The following ARFGAP2 variants were observed in gnomAD, a reference collection of about 807,000 sequenced individuals.
The protein encoded by ARFGAP2 is ARF GTPase activating protein 2, also known as ADP-ribosylation factor GTPase-activating protein 2.
ARFGAP2 carries 45 observed loss-of-function variants against 71.9 expected under a neutral mutation model. The observed-to-expected ratio is 0.63, with a 90% confidence interval of 0.49 to 0.80. The LOEUF (loss-of-function observed/expected upper bound fraction) is 0.80, where lower values mean the gene tolerates loss of function less well. Among genes scored for constraint, ARFGAP2 ranks in the 30% least tolerant of loss-of-function variants. The pLI is 0.00. For synonymous variants in ARFGAP2, 248 were observed against 249.2 expected (o/e 1.00, Z 0.05); for missense variants, 633 against 673.9 (o/e 0.94, Z 0.67).
Position 47,175,890 on chromosome 11 carries a change from G to C in ARFGAP2, c.225C>G (p.Phe75Leu), listed in dbSNP as rs771530253. ...CGCCGACCTGCATACACCTCAGCTGGAACCAGTTCCAGTTGGAATCCAACT... is the reference window on the plus strand; with the variant it reads ...CGCCGACCTGCATACACCTCAGCTGCAACCAGTTCCAGTTGGAATCCAACT... ...STELDSNWNW[F>L]QLRCMQVGGN... Residue 75 changes from phenylalanine (F) to leucine (L), a missense_variant, in exon 3 of 16, where the codon TTC becomes TTG. By Grantham distance (22) the Phe-to-Leu change is conservative. Transcript: ENST00000524782. 4.3e-6 allele frequency: 7 copies of C among 1,614,152 alleles called. No individual in the cohort carries two copies. Among genetic ancestry groups the C allele is most frequent in the Non-Finnish European group, 5.9e-6 (7 of 1,180,018 alleles).
At chr11:47,173,869 T>C in intron 5 of ARFGAP2, 29 bp from the exon 6 acceptor site, 1 of 1,573,776 alleles carries the variant, frequency 6.4e-7, no homozygotes, top group African/African-American at 1.4e-5. Flanking sequence ...CACAGATGCC[T>C]CGGTGAGCCA....
At chr11:47,169,399 A>T (rs1952510416) in intron 10 of ARFGAP2, 1 of 152,192 alleles carries the variant, frequency 6.6e-6, no homozygotes, top group Non-Finnish European at 1.5e-5. Context: ...CTCAAAGAAA[A>T]GGGGTCTAGG....
rs1005832855 is a variant in ARFGAP2 at position 47,164,469 on chromosome 11, G to C, written c.*1013C>G. 2.3e-6 allele frequency: 1 copy of C among 433,882 alleles called. No homozygotes were observed. Among genetic ancestry groups the C allele is most frequent in the African/African-American group, 2.0e-5 (1 of 48,954 alleles). 26.9% of individuals were successfully genotyped at this position (433,882 alleles called of 1,614,324 possible). On this transcript the variant is annotated 3_prime_UTR_variant, in exon 16 of 16. Transcript: ENST00000524782. ...AACCTACAACCCAAAGGTGGGGGCTGGGCTGAGACTGCCGGTGCGGCAGGG... is the reference window on the plus strand; with the variant it reads ...AACCTACAACCCAAAGGTGGGGGCTCGGCTGAGACTGCCGGTGCGGCAGGG...
At chr11:47,176,347 A>C in intron 2 of ARFGAP2, 169 bp downstream of exon 2, 1 of 670,924 alleles carries the variant, frequency 1.5e-6, no homozygotes, top group East Asian at 2.7e-5. Context: ...CCCATGTGCC[A>C]AAGGGCCCAC....
In ARFGAP2 at chr11:47,165,171, G is replaced by A; in HGVS notation, c.*311C>T. 1 of 371,270 alleles carries A rather than the reference G, an allele frequency of 2.7e-6. No individual in the cohort carries two copies. The highest frequency in any genetic ancestry group is 4.8e-6 in the Non-Finnish European group (1 of 208,136). The allele number at this position is 371,270 out of a possible 1,614,324, so 23.0% of individuals were successfully genotyped here. ...TCTGGACCCAGAATAAGCCATCGTG[G>A]GGGAACCCCCTTTCCCAGTATGGCA... On this transcript the variant is annotated 3_prime_UTR_variant, in exon 16 of 16. Transcript: ENST00000524782.
rs1369855941 is a variant in ARFGAP2 at position 47,165,505 on chromosome 11, G to T, written c.1546-3C>A. The T allele has an allele frequency of 6.5e-7, 1 of 1,547,376 alleles. No homozygotes were observed. The highest frequency in any genetic ancestry group is 1.5e-5 in the African/African-American group (1 of 65,070). ...GATCAGTAGGAACCGTAGCGATCCT[G>T]GGGGCGAGGGGGGAGAAAAAAAAAA... On this transcript the variant is annotated splice_polypyrimidine_tract_variant and splice_region_variant and intron_variant, in intron 15 of 15. Transcript: ENST00000524782.
Position 47,176,845 on chromosome 11 carries a change from C to T in ARFGAP2, c.9G>A (p.Ala3=), listed in dbSNP as rs1207766955. 3.7e-6 allele frequency: 6 copies of T among 1,613,550 alleles called. No individual in the cohort carries two copies. Among genetic ancestry groups the T allele is most frequent in the East Asian group, 4.5e-5 (2 of 44,862 alleles). The stretch of plus-strand genomic sequence containing the variant: ...TCTGGATTTCGGTCTTGTTCGGCTC[C>T]GCCGCCATTTTCTCTCCTTCCCAGA... MA[A]EPNKTEIQTL... is the part of the protein sequence containing the mutation. Residue 3 remains alanine, a synonymous_variant, in exon 1 of 16, where the codon GCG becomes GCA. Transcript: ENST00000524782.
At chr11:47,174,984 A>G in intron 5 of ARFGAP2, 31 bp downstream of exon 5, 1 of 1,611,336 alleles carries the variant, frequency 6.2e-7, no homozygotes, top group Non-Finnish European at 8.5e-7. Context: ...GTCAAGAACA[A>G]CTGGGAAAAC....
At chr11:47,173,557 C>T (rs1174425434) in intron 6 of ARFGAP2, 75 bp from the exon 7 acceptor site, 3 of 1,481,268 alleles carry the variant, frequency 2.0e-6, no homozygotes, top group Non-Finnish European at 2.7e-6. Context: ...AGTGATGGGA[C>T]AAGAATCGGT....
chr11:47,176,682 G>A (rs1952844301), intron 1 of ARFGAP2, 48 bp from the exon 2 acceptor site: 3 of 1,611,470 alleles, frequency 1.9e-6, no homozygotes, highest in South Asian at 1.1e-5. Context: ...CCGAGTAAAG[G>A]CCAGGCACCG....
At chr11:47,165,584 C>A in intron 15 of ARFGAP2, 82 bp from the exon 16 acceptor site, 1 of 1,409,270 alleles carries the variant, frequency 7.1e-7, no homozygotes. Flanking sequence ...CACTGCCTGC[C>A]CCAGCACCCC....
At position 47,175,215 on chromosome 11, in the gene ARFGAP2, C is replaced by G. The variant is rs376124108; in HGVS notation, c.363G>C (p.Leu121=). 2.5e-6 allele frequency: 4 copies of G among 1,614,166 alleles called. No individual in the cohort carries two copies. The Admixed American group carries it at 6.7e-5, about 27-fold the overall frequency. The change falls in exon 4 of 16, where the codon CTG becomes CTC. Residue 121 remains leucine, a synonymous_variant. Coordinates refer to ENST00000524782, the MANE Select transcript of ARFGAP2 (RefSeq NM_032389.6). ...AQMYREKIRQ[L]GSAALARHGT... ...CATGCCTAGCCAGGGCCGCACTCCC[C>G]AGCTGCCGGATCTTCTCCCGGTACA...
intron 10 of ARFGAP2, among the ~76,000 whole-genome samples, chr11:47,170,584 T>C (rs568455584): frequency 2.0e-3 from 296 of 150,240 alleles, no homozygotes; most frequent in African/African-American, 7.0e-3. Context: ...GAGGTAGAGA[T>C]TGCAGTGAGC....
intron 7 of ARFGAP2, chr11:47,173,194 C>G: frequency 1.8e-6 from 1 of 560,978 alleles, no homozygotes; most frequent in Admixed American, 2.9e-5. Flanking sequence ...CACTCAGAGG[C>G]AGACCCCAGG....
intron 2 of ARFGAP2, 23 bp downstream of exon 2, chr11:47,176,493 C>T: frequency 6.2e-7 from 1 of 1,608,940 alleles, no homozygotes; most frequent in Non-Finnish European, 8.5e-7. Flanking sequence ...GGTGGAAACA[C>T]GGCAACCGCG....
At chr11:47,172,430 A>G in intron 7 of ARFGAP2, 97 bp from the exon 8 acceptor site, 1 of 1,436,172 alleles carries the variant, frequency 7.0e-7, no homozygotes, top group Non-Finnish European at 9.8e-7. Context: ...AGCTCCTAAG[A>G]ACAGCTTCAG....
In ARFGAP2 at chr11:47,165,350, C is replaced by T. The variant is rs1952304978; in HGVS notation, c.*132G>A. The stretch of plus-strand genomic sequence containing the variant: ...TCACAGGAGTGAGCGCCTCAAAGGC[C>T]ACCCCACACACACACCACACATACG... On this transcript the variant is annotated 3_prime_UTR_variant, in exon 16 of 16. Transcript: ENST00000524782. The T allele has an allele frequency of 2.1e-5, 26 of 1,233,670 alleles. No individual in the cohort carries two copies. The highest frequency in any genetic ancestry group is 5.2e-5 in the East Asian group (2 of 38,758). 76.4% of individuals were successfully genotyped at this position (1,233,670 alleles called of 1,614,324 possible).
intron 7 of ARFGAP2, chr11:47,172,858 C>CA: frequency 9.5e-7 from 1 of 1,056,912 alleles, no homozygotes; most frequent in Non-Finnish European, 1.3e-6. Flanking sequence ...CCAAGCTATG[C>CA]CAGCCTTCTC....
intron 5 of ARFGAP2, 139 bp downstream of exon 5, chr11:47,174,876 G>T: frequency 2.3e-6 from 2 of 880,460 alleles, no homozygotes; most frequent in South Asian, 3.1e-5. Flanking sequence ...TACCCAGCAG[G>T]AACAGTGGAC....
Sources: allele counts gnomAD v4.1 joint callset (sites outside exome capture counted in the v4.1 genomes callset), GRCh38; gene constraint gnomAD v4.1.1; transcripts MANE v1.5; gene names NCBI Gene and HGNC (gene_info 2026-07-23, HGNC 2026-07-21).